KLHL25: variants seen among roughly 807,000 people sequenced by gnomAD.
KLHL25 encodes the protein kelch like family member 25, also known as kelch-like protein 25.
In KLHL25, 41 loss-of-function variants were observed where a neutral mutation model predicts 30.0. The ratio of observed to expected loss-of-function variants is 1.37; its 90% CI spans 1.07 to 1.78. The LOEUF (loss-of-function observed/expected upper bound fraction) is 1.78, where lower values mean the gene tolerates loss of function less well. Among genes scored for constraint, KLHL25 ranks in the 40% most tolerant of loss-of-function variants. The probability of loss-of-function intolerance (pLI) is 0.00; values close to 1 mark genes in which losing one functional copy is unlikely to be tolerated. For missense variants in KLHL25, 971 were observed against 824.5 expected, an observed-to-expected ratio of 1.18 and a Z score of -2.18; for synonymous variants, 399 against 355.3, an observed-to-expected ratio of 1.12 and a Z score of -1.38.
At chr15:85,779,635 T>C (rs1164706937) in intron 1 of KLHL25, among the ~76,000 whole-genome samples, 2 of 152,344 alleles carry the variant, frequency 1.3e-5, no homozygotes, top group African/African-American at 4.8e-5. Flanking sequence ...AGTTACAGAA[T>C]ACTATTTTAC....
intron 2 of KLHL25, chr15:85,762,263 C>T (rs1427075006): frequency 6.6e-6 from 1 of 152,508 alleles, no homozygotes; most frequent in African/African-American, 2.4e-5. Context: ...CATCCCAGCA[C>T]GCCACATGCT....
chr15:85,794,290 C>A (rs1215533556), intron 1 of KLHL25, among the ~76,000 whole-genome samples: 4 of 152,238 alleles, frequency 2.6e-5, no homozygotes, highest in Non-Finnish European at 5.9e-5. Flanking sequence ...CGCGCAAACC[C>A]TCCCCTTGTG....
intron 1 of KLHL25, among the ~76,000 whole-genome samples, chr15:85,776,930 A>AT (rs1224256173): frequency 4.0e-5 from 6 of 149,548 alleles, no homozygotes; most frequent in Non-Finnish European, 7.4e-5. Context: ...ATCTCAAAAA[A>AT]AATAAATAAA....
rs144864384 is a variant in KLHL25 at position 85,769,714 on chromosome 15, G to A, written c.97C>T (p.Leu33=). 11 of 1,613,800 alleles carry A rather than the reference G, an allele frequency of 6.8e-6. No individual in the cohort carries two copies. In the African/African-American group the frequency reaches 9.3e-5, roughly 14 times the overall value. Residue 33 remains leucine (L), a synonymous_variant, in exon 2 of 3, where the codon CTG becomes TTG. Transcript: ENST00000337975. The part of the protein sequence containing the change: ...FHKASHPDCV[L]AHLNTLRKHC... Reference sequence around the variant, plus strand: ...TTGCGAAGCGTGTTGAGGTGGGCCAGCACACAGTCCGGGTGGGAGGCCTTG... The same window carrying A: ...TTGCGAAGCGTGTTGAGGTGGGCCAACACACAGTCCGGGTGGGAGGCCTTG...
intron 1 of KLHL25, among the ~76,000 whole-genome samples, chr15:85,773,751 G>A (rs2089692464): frequency 6.6e-6 from 1 of 152,214 alleles, no homozygotes; most frequent in South Asian, 2.1e-4. Context: ...ACTGGACCAG[G>A]GCTGGGAGTG....
intron 1 of KLHL25, among the ~76,000 whole-genome samples, chr15:85,793,893 G>C (rs1256309791): frequency 6.6e-6 from 1 of 152,218 alleles, no homozygotes; most frequent in Non-Finnish European, 1.5e-5. Context: ...CTCACCCACA[G>C]TTCGTTGGGT....
chr15:85,770,168 G>A (rs770400051), intron 1 of KLHL25, among the ~76,000 whole-genome samples: 16 of 152,296 alleles, frequency 1.1e-4, no homozygotes, highest in African/African-American at 2.2e-4. Flanking sequence ...GCTGGTGTCC[G>A]GGCAGTGCTA....
At chr15:85,775,689 A>C (rs959580282) in intron 1 of KLHL25, among the ~76,000 whole-genome samples, 1 of 151,848 alleles carries the variant, frequency 6.6e-6, no homozygotes, top group Non-Finnish European at 1.5e-5. Flanking sequence ...GCAGGAAAGG[A>C]GATGGAAAGA....
chr15:85,769,802 G>A lies in KLHL25; in HGVS notation c.9C>T (p.Val3=). The change falls in exon 2 of 3, where the codon GTC becomes GTT. Residue 3 remains valine, a synonymous_variant. Coordinates refer to ENST00000337975, the MANE Select transcript of KLHL25 (RefSeq NM_022480.4). Reference sequence around the variant, plus strand: ...GCGACTTGCGGGTCTCATGGACACTGACCGACATGGTGCGTCAGCTTGTGG... The same window carrying A: ...GCGACTTGCGGGTCTCATGGACACTAACCGACATGGTGCGTCAGCTTGTGG... MS[V]SVHETRKSRS... is the part of the protein sequence containing the mutation. 5.6e-6 allele frequency: 9 copies of A among 1,606,408 alleles called. No homozygotes were observed. The South Asian group carries it at 7.7e-5, about 14-fold the overall frequency.
chr15:85,791,027 C>G (rs2089812732), intron 1 of KLHL25, among the ~76,000 whole-genome samples: 1 of 151,692 alleles, frequency 6.6e-6, no homozygotes, highest in Non-Finnish European at 1.5e-5. Flanking sequence ...TGGTGAAACC[C>G]TGTCTCTACT....
At chr15:85,782,721 C>G (rs1211152060) in intron 1 of KLHL25, among the ~76,000 whole-genome samples, 1 of 152,160 alleles carries the variant, frequency 6.6e-6, no homozygotes, top group Non-Finnish European at 1.5e-5. Context: ...ACACACAGGG[C>G]ATATGGCATG....
In KLHL25 at chr15:85,768,520, G is replaced by C. The variant is rs773278289; in HGVS notation, c.1291C>G (p.Arg431Gly). 1.1e-5 allele frequency: 17 copies of C among 1,613,452 alleles called. No homozygotes were observed. The highest frequency in any genetic ancestry group is 1.4e-5 in the Non-Finnish European group (16 of 1,179,922). Residue 431 changes from arginine to glycine, a missense_variant, in exon 2 of 3, where the codon CGG becomes GGG. Arg to Gly is a moderately radical substitution (Grantham distance 125, BLOSUM62 -2). Coordinates refer to ENST00000337975, the MANE Select transcript of KLHL25 (RefSeq NM_022480.4). ...ACTGCGGCATTGCTGACGCCATCCC[G>C]CAAGGGGGCCACCATCATCCACTTG... is the stretch of plus-strand genomic sequence containing the variant. The part of the protein sequence containing the change: ...ANKWMMVAPL[R>G]DGVSNAAVVS...
chr15:85,770,483 G>A (rs925711057), intron 1 of KLHL25: 2 of 533,588 alleles, frequency 3.7e-6, no homozygotes, highest in Non-Finnish European at 7.7e-6. Flanking sequence ...CATCCCCCTT[G>A]CCTTGGAACA....
In KLHL25 at chr15:85,769,644, G is replaced by T. The variant is rs768547407; in HGVS notation, c.167C>A (p.Ala56Asp). The change falls in exon 2 of 3, where the codon GCC becomes GAC. Residue 56 changes from alanine (A) to aspartate (D), a missense_variant. Ala to Asp is a moderately radical substitution (Grantham distance 126). Coordinates refer to ENST00000337975, the MANE Select transcript of KLHL25 (RefSeq NM_022480.4). ...CAGCACGGCACGGTGACAGGGGAAGGCACGGTCGCCCGCCCAGAGTGTGAC... is the reference window on the plus strand; with the variant it reads ...CAGCACGGCACGGTGACAGGGGAAGTCACGGTCGCCCGCCCAGAGTGTGAC... Reference protein sequence around the residue: ...TDVTLWAGDRAFPCHRAVLAA... With the variant: ...TDVTLWAGDRDFPCHRAVLAA... The T allele has an allele frequency of 1.9e-6, 3 of 1,613,518 alleles. No individual in the cohort carries two copies. The highest frequency in any genetic ancestry group is 2.5e-6 in the Non-Finnish European group (3 of 1,180,034).
Position 85,769,754 on chromosome 15 carries a change from G to A in KLHL25, c.57C>T (p.Asn19=), listed in dbSNP as rs1421243987. The change falls in exon 2 of 3, where the codon AAC becomes AAT. Residue 19 remains asparagine, a synonymous_variant. Transcript: ENST00000337975. ...RKSRSSTGSM[N]VTLFHKASHP... is the part of the protein sequence containing the mutation. ...GGGAGGCCTTGTGGAAGAGGGTGACGTTCATGGACCCCGTGCTGCTCCGCG... is the reference window on the plus strand; with the variant it reads ...GGGAGGCCTTGTGGAAGAGGGTGACATTCATGGACCCCGTGCTGCTCCGCG... 9.9e-6 allele frequency: 16 copies of A among 1,613,446 alleles called. No individual in the cohort carries two copies. Among genetic ancestry groups the A allele is most frequent in the Admixed American group, 8.3e-5 (5 of 60,012 alleles).
intron 2 of KLHL25, chr15:85,761,592 C>A (rs1460723076): frequency 6.6e-6 from 1 of 150,642 alleles, no homozygotes; most frequent in Non-Finnish European, 1.5e-5. Flanking sequence ...CCCCAGCTCT[C>A]CTGGTTCTGC....
At chr15:85,785,723 G>A (rs2089776849) in intron 1 of KLHL25, among the ~76,000 whole-genome samples, 2 of 152,172 alleles carry the variant, frequency 1.3e-5, no homozygotes, top group Non-Finnish European at 2.9e-5. Context: ...TCAGCCCGCA[G>A]CAGCCTCCCA....
chr15:85,769,110 C>A lies in KLHL25; in HGVS notation c.701G>T (p.Arg234Leu). The part of the protein sequence containing the change: ...PRKVHLPELL[R>L]SVRLALLPSD... ...CGGCAGCAAGGCCAGACGCACGCTG[C>A]GGAGGAGCTCGGGCAAGTGGACCTT... The change falls in exon 2 of 3, where the codon CGC becomes CTC. Residue 234 changes from arginine to leucine, a missense_variant. Coordinates refer to ENST00000337975, the MANE Select transcript of KLHL25 (RefSeq NM_022480.4). 3 of 1,606,822 alleles carry A rather than the reference C, an allele frequency of 1.9e-6. No homozygotes were observed. Among genetic ancestry groups the A allele is most frequent in the Non-Finnish European group, 2.6e-6 (3 of 1,175,194 alleles).
rs36016415 is a variant in KLHL25, at chr15:85,785,964, A to ACC, written c.-11+8800_-11+8801dup. Among the ~76,000 whole-genome samples, 241 of 117,926 alleles carry ACC rather than the reference A, an allele frequency of 2.0e-3. 3 individuals are homozygous for ACC. Among genetic ancestry groups the ACC allele is most frequent in the East Asian group, 9.5e-3 (37 of 3,896 alleles). The allele number at this position is 117,926 out of a possible 152,430, so 77.4% of individuals were successfully genotyped here. A position where few individuals can be genotyped will look rare whatever the true frequency, so the allele number is the denominator to read the frequency against. ...GGAGCCCAGCAAAGGCAGCCGACCC[A>ACC]CCCCCCCGCCCCAGGAGGACCCATG... On this transcript the variant is annotated intron_variant, in intron 1 of 2. Coordinates refer to ENST00000337975, the MANE Select transcript of KLHL25 (RefSeq NM_022480.4).
Sources: allele counts gnomAD v4.1 joint callset (sites outside exome capture counted in the v4.1 genomes callset), GRCh38; gene constraint gnomAD v4.1.1; transcripts MANE v1.5; gene names NCBI Gene and HGNC (gene_info 2026-07-23, HGNC 2026-07-21).